ANKRD11: variants seen among roughly 807,000 people sequenced by gnomAD.
The protein encoded by ANKRD11 is ankyrin repeat domain-containing protein 11.
A neutral mutation model predicts 195.7 loss-of-function variants in ANKRD11; 17 were observed. The ratio of observed to expected loss-of-function variants is 0.09; its 90% CI spans 0.06 to 0.13. The LOEUF is 0.13. Ranked by LOEUF, ANKRD11 falls within the 10% of genes least tolerant of loss-of-function variation. ANKRD11 has a pLI of 1.00. For synonymous variants in ANKRD11, 1,953 were observed against 1,528.1 expected (o/e 1.28, Z -6.49); for missense variants, 3,735 against 3,566.1 (o/e 1.05, Z -1.21).
intron 2 of ANKRD11, among the ~76,000 whole-genome samples, chr16:89,317,831 GC>G (rs2037057766): frequency 6.6e-6 from 1 of 152,130 alleles, no homozygotes; most frequent in South Asian, 2.1e-4. Context: ...GGGAGAGACT[GC>G]CCCTCTCTCA....
chr16:89,313,287 G>GA, intron 3 of ANKRD11: 4 of 1,281,876 alleles, frequency 3.1e-6, no homozygotes, highest in Non-Finnish European at 4.1e-6. Context: ...ATGGGGTGGG[G>GA]ACGACACTGT....
chr16:89,474,005 T>G (rs1445770485), intron 1 of ANKRD11, among the ~76,000 whole-genome samples: 4 of 152,202 alleles, frequency 2.6e-5, no homozygotes, highest in Non-Finnish European at 5.9e-5. Context: ...GCTGCCAAGC[T>G]GCAAGGGGCC....
intron 1 of ANKRD11, among the ~76,000 whole-genome samples, chr16:89,480,363 G>C (rs1353155219): frequency 1.3e-5 from 2 of 150,632 alleles, no homozygotes; most frequent in African/African-American, 4.9e-5. Context: ...TGTAGTCCCA[G>C]CTACTCGGGA....
chr16:89,377,134 A>G (rs2040455984), intron 2 of ANKRD11, among the ~76,000 whole-genome samples: 1 of 152,222 alleles, frequency 6.6e-6, no homozygotes, highest in African/African-American at 2.4e-5. Context: ...GAACCCCGTG[A>G]GTTCAACAGC....
At chr16:89,287,879 C>A in intron 7 of ANKRD11, 1 of 328,416 alleles carries the variant, frequency 3.0e-6, no homozygotes, top group Non-Finnish European at 5.6e-6. Context: ...GATGTGGCCC[C>A]GTGTGACCCC....
At chr16:89,402,641 G>C (rs1223653474) in intron 2 of ANKRD11, among the ~76,000 whole-genome samples, 1 of 150,650 alleles carries the variant, frequency 6.6e-6, no homozygotes, top group Non-Finnish European at 1.5e-5. Context: ...GTGGGTGGGG[G>C]GGGCAGCACT....
chr16:89,334,605 C>T (rs945106398), intron 2 of ANKRD11, among the ~76,000 whole-genome samples: 2 of 152,124 alleles, frequency 1.3e-5, no homozygotes, highest in African/African-American at 2.4e-5. Context: ...AGGCCAGACC[C>T]TGACCCAGAG....
intron 1 of ANKRD11, among the ~76,000 whole-genome samples, chr16:89,456,172 G>C (rs1018001908): frequency 6.6e-6 from 1 of 151,604 alleles, no homozygotes; most frequent in African/African-American, 2.4e-5. Flanking sequence ...CCCAGGAGGC[G>C]GATGTTGCAG....
intron 2 of ANKRD11, among the ~76,000 whole-genome samples, chr16:89,337,669 T>C (rs1448713203): frequency 6.6e-6 from 1 of 152,124 alleles, no homozygotes; most frequent in African/African-American, 2.4e-5. Flanking sequence ...CTCAATCTCC[T>C]GACCTCGGGA....
chr16:89,446,001 TAAAAAAA>T (rs756294025), intron 1 of ANKRD11, among the ~76,000 whole-genome samples: 7 of 121,438 alleles, frequency 5.8e-5, no homozygotes, highest in Non-Finnish European at 9.0e-5. Context: ...AATTTTTTGT[TAAAAAAA>T]AAAAAAAAAA....
Position 89,282,979 on chromosome 16 carries a change from C to T in ANKRD11, c.3563G>A (p.Arg1188Gln), listed in dbSNP as rs182013418. ...DKEPRDRRKD[R>Q]GAADAGRDKK... is the part of the protein sequence containing the mutation. ...GTCTCTCCCCGCGTCGGCAGCCCCT[C>T]GGTCCTTTCTCCTGTCTCTGGGCTC... The change falls in exon 9 of 13, where the codon CGA becomes CAA. Residue 1188 changes from arginine (R) to glutamine (Q), a missense_variant. By Grantham distance (43) the Arg-to-Gln change is conservative (BLOSUM62 1). Coordinates refer to ENST00000301030, the MANE Select transcript of ANKRD11 (RefSeq NM_013275.6). 23 of 1,613,578 alleles carry T rather than the reference C, an allele frequency of 1.4e-5. No individual in the cohort carries two copies. The highest frequency in any genetic ancestry group is 1.9e-5 in the Non-Finnish European group (22 of 1,180,036).
intron 2 of ANKRD11, among the ~76,000 whole-genome samples, chr16:89,414,059 C>T (rs1390904783): frequency 6.6e-6 from 1 of 152,202 alleles, no homozygotes; most frequent in Non-Finnish European, 1.5e-5. Context: ...CCTGCACACC[C>T]TCCAGGATGC....
Position 89,270,803 on chromosome 16 carries a change from C to T in ANKRD11, c.7806+14G>A, listed in dbSNP as rs369188973. 4.6e-5 allele frequency: 74 copies of T among 1,611,994 alleles called. No individual in the cohort carries two copies. The African/African-American group carries it at 6.3e-4, about 14-fold the overall frequency. On this transcript the variant is annotated intron_variant, in intron 12 of 12. Coordinates refer to ENST00000301030, the MANE Select transcript of ANKRD11 (RefSeq NM_013275.6). ...CCTCCCCCAGGCAGAACTGAGGGGACGCGCAACACCGACCTTCATGCGGTC... is the reference window on the plus strand; with the variant it reads ...CCTCCCCCAGGCAGAACTGAGGGGATGCGCAACACCGACCTTCATGCGGTC...
chr16:89,432,898 G>A (rs1471686605), intron 1 of ANKRD11, among the ~76,000 whole-genome samples: 1 of 150,978 alleles, frequency 6.6e-6, no homozygotes, highest in Non-Finnish European at 1.5e-5. Context: ...GGCTGCAGGG[G>A]GCTTTATCAC....
At chr16:89,443,900 T>C (rs1193786790) in intron 1 of ANKRD11, among the ~76,000 whole-genome samples, 1 of 152,126 alleles carries the variant, frequency 6.6e-6, no homozygotes, top group East Asian at 1.9e-4. Context: ...CAACAAAGCC[T>C]GTGCCAACTA....
chr16:89,485,352 G>T (rs1369702077), intron 1 of ANKRD11, among the ~76,000 whole-genome samples: 1 of 151,826 alleles, frequency 6.6e-6, no homozygotes, highest in Non-Finnish European at 1.5e-5. Flanking sequence ...ACACTAACTG[G>T]GAGTGGTGGT....
intron 2 of ANKRD11, among the ~76,000 whole-genome samples, chr16:89,317,347 G>A (rs771801421): frequency 1.3e-5 from 2 of 152,346 alleles, no homozygotes; most frequent in Middle Eastern, 3.4e-3. Context: ...CATGGCCTAG[G>A]GTGTGGCTGT....
At chr16:89,479,872 G>C (rs2057384785) in intron 1 of ANKRD11, among the ~76,000 whole-genome samples, 1 of 150,868 alleles carries the variant, frequency 6.6e-6, no homozygotes, top group Non-Finnish European at 1.5e-5. Flanking sequence ...GAACCTGGGA[G>C]TCGGAGCTTG....
intron 2 of ANKRD11, among the ~76,000 whole-genome samples, chr16:89,341,718 A>G (rs2151997281): frequency 6.6e-6 from 1 of 152,358 alleles, no homozygotes; most frequent in South Asian, 2.1e-4. Flanking sequence ...TGATATACCT[A>G]CAAAAGCAAA....
Sources: gnomAD v4.1 joint callset for allele counts (sites outside exome capture counted in the v4.1 genomes callset) on GRCh38, gnomAD v4.1.1 for gene constraint, MANE v1.5 for transcripts, NCBI Gene and HGNC (gene_info 2026-07-23, HGNC 2026-07-21) for gene names.